PXDNL: variants seen among roughly 807,000 people sequenced by gnomAD.
PXDNL encodes the protein probable oxidoreductase PXDNL.
In PXDNL, 145 loss-of-function variants were observed where a neutral mutation model predicts 150.8. The ratio of observed to expected loss-of-function variants is 0.96; its 90% CI spans 0.84 to 1.10. The LOEUF (loss-of-function observed/expected upper bound fraction) is 1.10. Ranked by LOEUF, PXDNL falls within the 50% of genes least tolerant of loss-of-function variation. The pLI is 0.00. For missense variants in PXDNL, 2,087 were observed against 1,873.9 expected (o/e 1.11, Z -2.10); for synonymous variants, 757 against 725.7 (o/e 1.04, Z -0.69).
At chr8:51,661,966 T>C (rs900262590) in intron 1 of PXDNL, among the ~76,000 whole-genome samples, 5 of 152,032 alleles carry the variant, frequency 3.3e-5, no homozygotes, top group Non-Finnish European at 7.4e-5. Context: ...TCAAACAACT[T>C]TGTAAAAGTT....
chr8:51,761,063 C>T lies in PXDNL; in HGVS notation c.164+48118G>A, dbSNP rs375076492. Among the ~76,000 whole-genome samples the T allele has an allele frequency of 7.8e-4, 104 of 133,936 alleles. 2 individuals carry two copies. The East Asian group carries it at 0.02, about 26-fold the overall frequency. 87.9% of individuals were successfully genotyped at this position (133,936 alleles called of 152,430 possible). On this transcript the variant is annotated intron_variant, in intron 1 of 22. Coordinates refer to ENST00000356297, the MANE Select transcript of PXDNL (RefSeq NM_144651.5). ...TTTTTTTTTGTATTTTTAGTAGAGA[C>T]GGGGTTTCACCATGTTAGCCAGGAT...
chr8:51,509,735 C>T (rs111281604), intron 4 of PXDNL, among the ~76,000 whole-genome samples: 1 of 107,058 alleles, frequency 9.3e-6, no homozygotes, highest in African/African-American at 4.4e-5. Context: ...TATATATATA[C>T]ATATATACAC....
chr8:51,653,159 T>C (rs1400917215), intron 2 of PXDNL, among the ~76,000 whole-genome samples: 1 of 152,234 alleles, frequency 6.6e-6, no homozygotes. Context: ...GGTTCATGCC[T>C]GTAATCCCAA....
Position 51,382,698 on chromosome 8 carries a change from T to TA in PXDNL, c.3558-7968dup, listed in dbSNP as rs772081314. Among the ~76,000 whole-genome samples, 124 of 150,966 alleles carry TA rather than the reference T, an allele frequency of 8.2e-4. 2 individuals are homozygous for TA. Among genetic ancestry groups the TA allele is most frequent in the Admixed American group, 1.5e-3 (23 of 15,128 alleles). On this transcript the variant is annotated intron_variant, in intron 17 of 22. Transcript: ENST00000356297. ...CCTGCATTACTTCTTTAAAATAAGT[T>TA]AAAAAAAAAGATATATTGATCTCTG...
chr8:51,559,477 C>T (rs1450827441), intron 3 of PXDNL, among the ~76,000 whole-genome samples: 1 of 151,848 alleles, frequency 6.6e-6, no homozygotes, highest in Non-Finnish European at 1.5e-5. Context: ...CCTCTGAAAA[C>T]CACACAGTTC....
intron 4 of PXDNL, among the ~76,000 whole-genome samples, chr8:51,531,993 A>G (rs1811916793): frequency 6.6e-6 from 1 of 152,208 alleles, no homozygotes; most frequent in Non-Finnish European, 1.5e-5. Context: ...CCTTCTCTTG[A>G]CTAAATTTTG....
chr8:51,713,594 A>T lies in PXDNL; in HGVS notation c.165-58834T>A, dbSNP rs1163644172. 2.0e-5 allele frequency among the ~76,000 whole-genome samples: 3 copies of T among 152,336 alleles called. 1 individual carries two copies. In the Middle Eastern group the frequency reaches 0.01, roughly 518 times the overall value. On this transcript the variant is annotated intron_variant, in intron 1 of 22. Transcript: ENST00000356297. The stretch of plus-strand genomic sequence containing the variant: ...ACAGGCCCATGTATATTAAGGGCCA[A>T]TTGTTTCACCACAAAAAATTCATTA...
intron 1 of PXDNL, among the ~76,000 whole-genome samples, chr8:51,709,510 T>C (rs1262256565): frequency 6.6e-6 from 1 of 152,112 alleles, no homozygotes; most frequent in Non-Finnish European, 1.5e-5. Flanking sequence ...CACCTCCGCC[T>C]CCCAAAGTGC....
intron 1 of PXDNL, among the ~76,000 whole-genome samples, chr8:51,684,398 C>T (rs1392488805): frequency 1.3e-5 from 2 of 152,202 alleles, no homozygotes; most frequent in Admixed American, 6.5e-5. Flanking sequence ...ATTCCCATAT[C>T]CTCAACTTTC....
At chr8:51,414,788 T>C (rs1169883895) in intron 14 of PXDNL, among the ~76,000 whole-genome samples, 1 of 152,148 alleles carries the variant, frequency 6.6e-6, no homozygotes, top group East Asian at 1.9e-4. Flanking sequence ...CAAAGAAACG[T>C]TATAATACAC....
At chr8:51,742,812 G>C (rs1161441062) in intron 1 of PXDNL, among the ~76,000 whole-genome samples, 1 of 152,140 alleles carries the variant, frequency 6.6e-6, no homozygotes, top group African/African-American at 2.4e-5. Flanking sequence ...AATAGAAAGA[G>C]AATGTTTCCT....
chr8:51,608,033 GA>G (rs775067894), intron 2 of PXDNL, among the ~76,000 whole-genome samples: 3,685 of 118,876 alleles, frequency 0.031, 530 homozygotes, highest in African/African-American at 0.11. Context: ...AAGAAAGAAA[GA>G]AAGAAAGAAA....
chr8:51,801,109 A>G (rs962557824), intron 1 of PXDNL, among the ~76,000 whole-genome samples: 2 of 152,180 alleles, frequency 1.3e-5, no homozygotes, highest in African/African-American at 4.8e-5. Context: ...CCTAGCAAGG[A>G]ATATTAAATA....
chr8:51,786,664 C>T (rs896811992), intron 1 of PXDNL, among the ~76,000 whole-genome samples: 2 of 152,084 alleles, frequency 1.3e-5, no homozygotes, highest in Non-Finnish European at 2.9e-5. Context: ...GGAAAGAAGG[C>T]ATCTCCATAA....
At chr8:51,489,542 T>A (rs1438872722) in intron 5 of PXDNL, among the ~76,000 whole-genome samples, 2 of 152,208 alleles carry the variant, frequency 1.3e-5, no homozygotes, top group African/African-American at 4.8e-5. Context: ...AGTCTGGAAC[T>A]CCTGGGCTCA....
chr8:51,739,766 C>T (rs2036883795), intron 1 of PXDNL, among the ~76,000 whole-genome samples: 1 of 151,416 alleles, frequency 6.6e-6, no homozygotes, highest in East Asian at 1.9e-4. Context: ...GTCCCAGCTA[C>T]TCAGGAGGCT....
chr8:51,352,805 T>C (rs1431621), intron 19 of PXDNL, among the ~76,000 whole-genome samples: 111,768 of 152,088 alleles, frequency 0.73, 41,624 homozygotes, highest in East Asian at 0.94. Context: ...TTTTCAGCAA[T>C]GTGGATGGAA....
chr8:51,461,710 G>A (rs1489820143), intron 8 of PXDNL, among the ~76,000 whole-genome samples: 1 of 152,218 alleles, frequency 6.6e-6, no homozygotes, highest in Non-Finnish European at 1.5e-5. Context: ...CCCTAAGAGT[G>A]AGGGTAGAAC....
chr8:51,403,088 CAAAAAAAA>C (rs201970177), intron 17 of PXDNL, among the ~76,000 whole-genome samples: 1 of 52,880 alleles, frequency 1.9e-5, no homozygotes, highest in African/African-American at 7.5e-5. Context: ...ACTCCCTCTC[CAAAAAAAA>C]AAAAAAAGAA....
Sources: allele counts gnomAD v4.1 joint callset (sites outside exome capture counted in the v4.1 genomes callset), GRCh38; gene constraint gnomAD v4.1.1; transcripts MANE v1.5; gene names NCBI Gene and HGNC (gene_info 2026-07-23, HGNC 2026-07-21).